The following PLD1 variants were observed in gnomAD, a reference collection of about 807,000 sequenced individuals.
PLD1 encodes choline phosphatase 1.
A neutral mutation model predicts 137.1 loss-of-function variants in PLD1; 112 were observed. The observed-to-expected ratio is 0.82, with a 90% CI of 0.70 to 0.96. The LOEUF (loss-of-function observed/expected upper bound fraction) is 0.96. PLD1 is among the 40% of genes least tolerant of loss of function. The probability of loss-of-function intolerance (pLI) is 0.00; values close to 1 mark genes in which losing one functional copy is unlikely to be tolerated. For synonymous variants in PLD1, 431 were observed against 454.7 expected (o/e 0.95, Z 0.66); for missense variants, 1,321 against 1,342.0 (o/e 0.98, Z 0.24).
Position 171,662,139 on chromosome 3 carries a change from C to G in PLD1, c.2261G>C (p.Gly754Ala), listed in dbSNP as rs749362935. The G allele has an allele frequency of 2.5e-6, 4 of 1,613,150 alleles. No individual in the cohort carries two copies. Among genetic ancestry groups the G allele is most frequent in the Non-Finnish European group, 3.4e-6 (4 of 1,179,194 alleles). ...GATGGACTCTTCATGGTACTTTATA[C>G]CAGCAGACCAATCAGCAGCAGAGCG... is the stretch of plus-strand genomic sequence containing the variant. ...LLRSAADWSA[G>A]IKYHEESIHA... The change falls in exon 20 of 27, where the codon GGT (glycine) becomes GCT (alanine). Residue 754 changes from glycine to alanine, a missense_variant. Coordinates refer to ENST00000351298, the MANE Select transcript of PLD1 (RefSeq NM_002662.5).
At chr3:171,617,548 G>A (rs539336929) in intron 24 of PLD1, among the ~76,000 whole-genome samples, 107 of 152,242 alleles carry the variant, frequency 7.0e-4, no homozygotes, top group African/African-American at 2.4e-3. Flanking sequence ...AAAAACAACC[G>A]TTTCACTTAG....
chr3:171,678,380 A>T (rs1312530022), intron 16 of PLD1, among the ~76,000 whole-genome samples: 1 of 152,242 alleles, frequency 6.6e-6, no homozygotes, highest in Non-Finnish European at 1.5e-5. Context: ...GATGGCATTT[A>T]TAAAAAATAT....
At position 171,659,376 on chromosome 3, in the gene PLD1, T is replaced by TA. The variant is rs1337160784; in HGVS notation, c.2341-76dup. On this transcript the variant is annotated intron_variant, in intron 20 of 26. Coordinates refer to ENST00000351298, the MANE Select transcript of PLD1 (RefSeq NM_002662.5). Reference sequence around the variant, plus strand: ...TATACGTAAGAACAATACTGTAATATATTTTTTAAAATGTTTCACACAGCA... The same window carrying TA: ...TATACGTAAGAACAATACTGTAATATAATTTTTTAAAATGTTTCACACAGCA... The TA allele has an allele frequency of 1.5e-5, 14 of 950,546 alleles. No homozygotes were observed. In the East Asian group the frequency reaches 3.4e-4, roughly 23 times the overall value. The allele number at this position is 950,546 out of a possible 1,614,324, so 58.9% of individuals were successfully genotyped here.
chr3:171,712,987 G>A (rs1195969821), intron 9 of PLD1, among the ~76,000 whole-genome samples: 2 of 152,128 alleles, frequency 1.3e-5, no homozygotes, highest in African/African-American at 4.8e-5. Flanking sequence ...GTAACTATGT[G>A]CACAGGGAGA....
intron 1 of PLD1, among the ~76,000 whole-genome samples, chr3:171,747,418 CA>C (rs1326430588): frequency 6.6e-6 from 1 of 151,756 alleles, no homozygotes; most frequent in Non-Finnish European, 1.5e-5. Context: ...AAGCTATGGC[CA>C]GCCAGGAAAT....
intron 1 of PLD1, chr3:171,792,869 TCACA>T: frequency 2.8e-6 from 1 of 358,774 alleles, no homozygotes; most frequent in Non-Finnish European, 5.5e-6. Context: ...AGGTGGAGCC[TCACA>T]CACAAAGCCC....
chr3:171,624,830 A>C (rs1733946857), intron 23 of PLD1, among the ~76,000 whole-genome samples: 1 of 152,258 alleles, frequency 6.6e-6, no homozygotes, highest in South Asian at 2.1e-4. Context: ...CAGGAGAAAT[A>C]AGAAAATATA....
chr3:171,765,282 T>C (rs892136800), intron 1 of PLD1: 2 of 152,212 alleles, frequency 1.3e-5, no homozygotes, highest in Non-Finnish European at 2.9e-5. Flanking sequence ...AGTCACTCCA[T>C]GAGGCTGCCG....
In PLD1 at chr3:171,608,574, G is replaced by T. The variant is rs75883109; in HGVS notation, c.2883-3158C>A. ...TATCACACTGGCATGCAAGTAAACA[G>T]ACTTTCAATATGGCATAACAGAGAG... On this transcript the variant is annotated intron_variant, in intron 25 of 26. Transcript: ENST00000351298. Among the ~76,000 whole-genome samples, 734 of 152,282 alleles carry T rather than the reference G, an allele frequency of 4.8e-3. 3 individuals carry two copies. The highest frequency in any genetic ancestry group is 7.6e-3 in the Non-Finnish European group (514 of 68,004).
At chr3:171,626,853 C>T (rs1034397533) in intron 23 of PLD1, among the ~76,000 whole-genome samples, 4 of 152,174 alleles carry the variant, frequency 2.6e-5, no homozygotes, top group African/African-American at 9.7e-5. Flanking sequence ...CTGAAGGAAG[C>T]ACTAAACATG....
intron 1 of PLD1, among the ~76,000 whole-genome samples, chr3:171,791,397 T>C (rs1159531767): frequency 6.6e-6 from 1 of 152,202 alleles, no homozygotes; most frequent in East Asian, 1.9e-4. Context: ...TCAGGAGCAC[T>C]GGGCTTTCTG....
intron 13 of PLD1, among the ~76,000 whole-genome samples, chr3:171,689,510 CCTTT>C (rs896084267): frequency 1.0e-4 from 15 of 149,656 alleles, no homozygotes; most frequent in Admixed American, 2.7e-4. Flanking sequence ...TTCCTTCCTT[CCTTT>C]CTTTCTTTCT....
At chr3:171,676,872 C>T (rs868618901) in intron 17 of PLD1, 39 bp from the exon 18 acceptor site, 3 of 1,431,682 alleles carry the variant, frequency 2.1e-6, no homozygotes, top group Middle Eastern at 3.5e-4. Flanking sequence ...TCATTAACTT[C>T]AGTGTTGGGG....
intron 19 of PLD1, among the ~76,000 whole-genome samples, chr3:171,667,782 G>A (rs893501997): frequency 3.3e-5 from 5 of 152,210 alleles, no homozygotes; most frequent in Admixed American, 2.0e-4. Flanking sequence ...TTGAGATGGA[G>A]TCTCTGATGC....
At chr3:171,679,851 C>T (rs1337795127) in intron 16 of PLD1, among the ~76,000 whole-genome samples, 1 of 152,184 alleles carries the variant, frequency 6.6e-6, no homozygotes, top group Non-Finnish European at 1.5e-5. Flanking sequence ...AAAACAGTAG[C>T]TCAGAATTAC....
intron 21 of PLD1, chr3:171,653,907 T>A (rs1033313260): frequency 4.6e-6 from 1 of 216,410 alleles, no homozygotes; most frequent in South Asian, 5.4e-5. Context: ...GAAGGTCACA[T>A]ACCTGTGGAT....
chr3:171,798,964 T>C (rs978776993), intron 1 of PLD1, among the ~76,000 whole-genome samples: 2 of 152,192 alleles, frequency 1.3e-5, no homozygotes, highest in African/African-American at 4.8e-5. Context: ...AACCAACACC[T>C]GATTTGGGGG....
intron 1 of PLD1, among the ~76,000 whole-genome samples, chr3:171,779,244 A>G (rs1348246192): frequency 6.6e-6 from 1 of 152,200 alleles, no homozygotes; most frequent in Non-Finnish European, 1.5e-5. Context: ...GAGAAGGCAG[A>G]CTACTTAGGA....
chr3:171,754,729 AGT>A (rs1382839224), intron 1 of PLD1, among the ~76,000 whole-genome samples: 1 of 152,222 alleles, frequency 6.6e-6, no homozygotes, highest in Non-Finnish European at 1.5e-5. Flanking sequence ...ATTTTTCTCC[AGT>A]GTGATGGATG....
Sources: allele counts gnomAD v4.1 joint callset (sites outside exome capture counted in the v4.1 genomes callset), GRCh38; gene constraint gnomAD v4.1.1; transcripts MANE v1.5; gene names NCBI Gene and HGNC (gene_info 2026-07-23, HGNC 2026-07-21).